Variants in HPCAL1 observed in about 807,000 individuals in gnomAD.
The protein encoded by HPCAL1 is hippocalcin-like protein 1.
A neutral mutation model predicts 17.1 loss-of-function variants in HPCAL1; 8 were observed. That is an observed-to-expected ratio of 0.47 (90% CI 0.27 to 0.84). The LOEUF (loss-of-function observed/expected upper bound fraction) is 0.84, where lower values mean the gene tolerates loss of function less well. Ranked by LOEUF, HPCAL1 falls within the 40% of genes least tolerant of loss-of-function variation. HPCAL1 has a pLI of 0.13. For missense variants in HPCAL1, 165 were observed against 271.1 expected (o/e 0.61, Z 2.75); for synonymous variants, 112 against 111.4 (o/e 1.01, Z -0.03).
rs1281598382 is a variant in HPCAL1, at chr2:10,310,563, C to A, written c.-111+7386C>A. Among the ~76,000 whole-genome samples, 1 of 152,096 alleles carries A rather than the reference C, an allele frequency of 6.6e-6. No individual in the cohort carries two copies. Among genetic ancestry groups the A allele is most frequent in the East Asian group, 1.9e-4 (1 of 5,180 alleles). ...CATTTTGGATTGTCCTAGCCTCATG[C>A]CTTCTGAGAAGCATCTGTCAGGGTC... is the stretch of plus-strand genomic sequence containing the variant. On this transcript the variant is annotated intron_variant, in intron 1 of 4. Transcript: ENST00000307845. This position sits in a 1 kb window ranked among gnomAD's most constrained non-coding sequence, Gnocchi z 4.5.
At chr2:10,425,676 C>G (rs567230837) in intron 4 of HPCAL1, 1 of 152,510 alleles carries the variant, frequency 6.6e-6, no homozygotes, top group African/African-American at 2.4e-5. Flanking sequence ...GCGCCAGAGC[C>G]GAGAGCCCCT....
chr2:10,390,777 G>A (rs1049683985), intron 1 of HPCAL1, among the ~76,000 whole-genome samples: 6 of 151,998 alleles, frequency 3.9e-5, no homozygotes, highest in Non-Finnish European at 8.8e-5. Context: ...CCCACCCCCC[G>A]GCCTGGGACT....
At chr2:10,353,134 G>A (rs180817780) in intron 1 of HPCAL1, among the ~76,000 whole-genome samples, 2 of 152,308 alleles carry the variant, frequency 1.3e-5, no homozygotes, top group East Asian at 3.9e-4. Flanking sequence ...TTTGCCAGGA[G>A]ACTCAGAAAA....
chr2:10,345,291 A>C (rs1665362464), intron 1 of HPCAL1, among the ~76,000 whole-genome samples: 1 of 151,724 alleles, frequency 6.6e-6, no homozygotes, highest in Admixed American at 6.6e-5. Flanking sequence ...ATAATACTGT[A>C]CTCTGCGTTT....
At chr2:10,333,264 T>G (rs1664501820) in intron 1 of HPCAL1, among the ~76,000 whole-genome samples, 1 of 152,224 alleles carries the variant, frequency 6.6e-6, no homozygotes, top group Non-Finnish European at 1.5e-5. Flanking sequence ...GTGAATCAGG[T>G]GGTCACAGTG....
chr2:10,383,918 A>G (rs7563132), intron 1 of HPCAL1, among the ~76,000 whole-genome samples: 102,643 of 151,954 alleles, frequency 0.68, 35,685 homozygotes, highest in African/African-American at 0.82. Context: ...AACCAAAAAT[A>G]TCTCCAGACA....
chr2:10,312,304 CCATCATCATCATCATCATATCAT>C lies in HPCAL1; in HGVS notation c.-111+9143_-111+9165del, dbSNP rs1410980257. ...CTGTCATCATCACCTTTCTCCATCACCATCATCATCATCATCATATCATCATCATCATCATCATATCATCCTCA... is the reference window on the plus strand; with the variant it reads ...CTGTCATCATCACCTTTCTCCATCACCATCATCATCATCATATCATCCTCA... On this transcript the variant is annotated intron_variant, in intron 1 of 4. Coordinates refer to ENST00000307845, the MANE Select transcript of HPCAL1 (RefSeq NM_002149.4). 1.8e-4 allele frequency among the ~76,000 whole-genome samples: 25 copies of C among 142,048 alleles called. No homozygotes were observed. In the East Asian group the frequency reaches 3.2e-3, roughly 18 times the overall value. The allele number at this position is 142,048 out of a possible 152,430, so 93.2% of individuals were successfully genotyped here.
chr2:10,396,855 G>C lies in HPCAL1; in HGVS notation c.-90G>C, dbSNP rs566828716. 2 of 152,426 alleles carry C rather than the reference G, an allele frequency of 1.3e-5. No individual in the cohort carries two copies. The highest frequency in any genetic ancestry group is 3.9e-4 in the East Asian group (2 of 5,182). 9.4% of individuals were successfully genotyped at this position (152,426 alleles called of 1,614,324 possible). ...TCCAGGGGCATGGTCTAGTGGCCCAGTCAGGACGCGGAAACACTCCCTGGA... is the reference window on the plus strand; with the variant it reads ...TCCAGGGGCATGGTCTAGTGGCCCACTCAGGACGCGGAAACACTCCCTGGA... On this transcript the variant is annotated 5_prime_UTR_variant, in exon 2 of 5. Coordinates refer to ENST00000307845, the MANE Select transcript of HPCAL1 (RefSeq NM_002149.4).
At chr2:10,361,774 T>G (rs1005555643) in intron 1 of HPCAL1, among the ~76,000 whole-genome samples, 9 of 151,880 alleles carry the variant, frequency 5.9e-5, no homozygotes, top group African/African-American at 2.2e-4. Flanking sequence ...TGGAGTGCAG[T>G]GGCATGATCT....
In HPCAL1 at chr2:10,384,027, A is replaced by C. The variant is rs73914070; in HGVS notation, c.-110-12808A>C. Among the ~76,000 whole-genome samples, 3 of 20,696 alleles carry C rather than the reference A, an allele frequency of 1.4e-4. No individual in the cohort carries two copies. The highest frequency in any genetic ancestry group is 4.0e-3 in the East Asian group (1 of 248). The allele number at this position is 20,696 out of a possible 152,430, so 13.6% of individuals were successfully genotyped here. A position where few individuals can be genotyped will look rare whatever the true frequency, so the allele number is the denominator to read the frequency against. On this transcript the variant is annotated intron_variant, in intron 1 of 4. Transcript: ENST00000307845. The surrounding 1 kb of genome is among the most constrained non-coding windows in gnomAD (Gnocchi z 4.4). ...GCATATACATCGCGTACACACACAC[A>C]CCCACACACACACACACCTTTTGCT...
At chr2:10,397,406 C>T (rs879114744) in intron 2 of HPCAL1, among the ~76,000 whole-genome samples, 12 of 152,136 alleles carry the variant, frequency 7.9e-5, no homozygotes, top group Admixed American at 1.3e-4. Flanking sequence ...CCCCCACCCA[C>T]GCCAGATAAG....
chr2:10,409,505 C>T (rs147040365), intron 2 of HPCAL1, among the ~76,000 whole-genome samples: 87 of 152,280 alleles, frequency 5.7e-4, no homozygotes, highest in African/African-American at 2.0e-3. Context: ...GGACACAGGC[C>T]CGAGTTGTTT....
intron 2 of HPCAL1, among the ~76,000 whole-genome samples, chr2:10,400,016 C>G (rs1669494642): frequency 6.6e-6 from 1 of 152,176 alleles, no homozygotes; most frequent in African/African-American, 2.4e-5. Flanking sequence ...GAGAAAGGAT[C>G]AAGCTGGAAA....
intron 2 of HPCAL1, among the ~76,000 whole-genome samples, chr2:10,412,574 G>C (rs1314861701): frequency 4.6e-5 from 7 of 152,250 alleles, no homozygotes; most frequent in Admixed American, 1.3e-4. Flanking sequence ...CCATTGGCCA[G>C]AGTGTAGTCA....
intron 1 of HPCAL1, among the ~76,000 whole-genome samples, chr2:10,317,715 GC>G (rs1339290953): frequency 5.9e-5 from 9 of 152,082 alleles, no homozygotes; most frequent in African/African-American, 2.2e-4. Context: ...ACCATGCTCG[GC>G]CTCAACAATT....
chr2:10,423,307 A>G (rs1486710198), intron 4 of HPCAL1: 1 of 565,316 alleles, frequency 1.8e-6, no homozygotes, highest in East Asian at 3.1e-5. Context: ...GATGCTGGGC[A>G]TGTTGTGGCC....
chr2:10,340,891 C>T (rs896604436), intron 1 of HPCAL1, among the ~76,000 whole-genome samples: 11 of 152,116 alleles, frequency 7.2e-5, no homozygotes, highest in Non-Finnish European at 1.5e-4. Flanking sequence ...TGCTTCATGC[C>T]GAGTTCATGA....
intron 1 of HPCAL1, among the ~76,000 whole-genome samples, chr2:10,349,898 G>A (rs1369724911): frequency 1.3e-5 from 2 of 151,882 alleles, no homozygotes; most frequent in African/African-American, 4.8e-5. Flanking sequence ...TATCCACACT[G>A]TTAATGCATT....
In HPCAL1 at chr2:10,367,563, G is replaced by A. The variant is rs1666926549; in HGVS notation, c.-110-29272G>A. On this transcript the variant is annotated intron_variant, in intron 1 of 4. Coordinates refer to ENST00000307845, the MANE Select transcript of HPCAL1 (RefSeq NM_002149.4). The surrounding 1 kb of genome is among the most constrained non-coding windows in gnomAD (Gnocchi z 4.4). ...TACATTTCAGAAAGTATAATAATAT[G>A]TAAAGCAAAATCATAATAGCAACAA... 6.6e-6 allele frequency among the ~76,000 whole-genome samples: 1 copy of A among 152,176 alleles called. No individual in the cohort carries two copies. Among genetic ancestry groups the A allele is most frequent in the South Asian group, 2.1e-4 (1 of 4,834 alleles).
Sources: gnomAD v4.1 joint callset for allele counts (sites outside exome capture counted in the v4.1 genomes callset) on GRCh38, gnomAD v4.1.1 for gene constraint, Gnocchi (gnomAD v3.1) non-coding constraint, MANE v1.5 for transcripts, NCBI Gene and HGNC (gene_info 2026-07-23, HGNC 2026-07-21) for gene names.